SSH2: variants seen among roughly 807,000 people sequenced by gnomAD.
The protein encoded by SSH2 is slingshot protein phosphatase 2, also known as protein phosphatase Slingshot homolog 2.
Under a neutral mutation model 135.2 loss-of-function variants are expected in SSH2, and 37 were observed. The ratio of observed to expected loss-of-function variants is 0.27; its 90% CI spans 0.21 to 0.36. SSH2 has a LOEUF of 0.36. SSH2 is among the 10% of genes least tolerant of loss of function. SSH2 has a pLI of 1.00. For missense variants in SSH2, 1,408 were observed against 1,765.3 expected (o/e 0.80, Z 3.63); for synonymous variants, 628 against 646.2 (o/e 0.97, Z 0.43).
intron 4 of SSH2, among the ~76,000 whole-genome samples, chr17:29,696,620 T>TACACACAC (rs755811988): frequency 8.2e-4 from 112 of 136,104 alleles, no homozygotes; most frequent in Admixed American, 1.2e-3. Flanking sequence ...TACATATATA[T>TACACACAC]ATACACACAC....
chr17:29,761,903 G>T (rs2041328838), intron 3 of SSH2, among the ~76,000 whole-genome samples: 2 of 136,470 alleles, frequency 1.5e-5, no homozygotes, highest in Non-Finnish European at 3.1e-5. Context: ...TTTTGAGATG[G>T]AGTTTCTGCT....
chr17:29,796,032 C>T (rs999922182), intron 2 of SSH2, among the ~76,000 whole-genome samples: 8 of 152,172 alleles, frequency 5.3e-5, no homozygotes, highest in Admixed American at 1.3e-4. Context: ...CGTGAGCCAC[C>T]GTGCCCGGCC....
At chr17:29,727,563 TGG>T (rs2040043268) in intron 3 of SSH2, among the ~76,000 whole-genome samples, 1 of 152,202 alleles carries the variant, frequency 6.6e-6, no homozygotes, top group Non-Finnish European at 1.5e-5. Flanking sequence ...AGGAAATAAC[TGG>T]TGGAGTAAGT....
chr17:29,914,842 A>G (rs2066854238), intron 1 of SSH2, among the ~76,000 whole-genome samples: 1 of 152,228 alleles, frequency 6.6e-6, no homozygotes, highest in East Asian at 1.9e-4. Context: ...CAAGATGGTC[A>G]TGCCACTTTC....
intron 6 of SSH2, among the ~76,000 whole-genome samples, chr17:29,681,331 CAAA>C (rs764461213): frequency 6.3e-4 from 9 of 14,342 alleles, no homozygotes; most frequent in African/African-American, 2.1e-3. Context: ...GAGACTGTCT[CAAA>C]AAAAAAAAAA....
At chr17:29,786,933 A>G (rs1017032386) in intron 3 of SSH2, among the ~76,000 whole-genome samples, 2 of 152,192 alleles carry the variant, frequency 1.3e-5, no homozygotes, top group African/African-American at 4.8e-5. Context: ...CAATCAATCA[A>G]TCACAAAAAG....
At chr17:29,903,001 C>A (rs2066587634) in intron 1 of SSH2, among the ~76,000 whole-genome samples, 1 of 151,984 alleles carries the variant, frequency 6.6e-6, no homozygotes, top group Non-Finnish European at 1.5e-5. Context: ...GCTTGGCCAA[C>A]ATGGTGAAAC....
At chr17:29,805,089 C>T (rs1452266610) in intron 2 of SSH2, among the ~76,000 whole-genome samples, 2 of 151,226 alleles carry the variant, frequency 1.3e-5, no homozygotes, top group African/African-American at 4.9e-5. Context: ...CTCTGGGTCC[C>T]TTTTAGAACT....
intron 2 of SSH2, among the ~76,000 whole-genome samples, chr17:29,794,576 A>G (rs558788976): frequency 6.6e-5 from 10 of 152,368 alleles, no homozygotes; most frequent in East Asian, 1.9e-4. Context: ...CTGATGGTTA[A>G]TGACCCACCC....
At chr17:29,689,974 A>C (rs137972108) in intron 5 of SSH2, among the ~76,000 whole-genome samples, 2 of 139,676 alleles carry the variant, frequency 1.4e-5, no homozygotes, top group African/African-American at 2.7e-5. Context: ...AGAACACACC[A>C]CTGCATTCCA....
chr17:29,847,071 T>A lies in SSH2; in HGVS notation c.144+1778A>T, dbSNP rs1406745791. 2.6e-5 allele frequency among the ~76,000 whole-genome samples: 4 copies of A among 152,280 alleles called. No individual in the cohort carries two copies. The South Asian group carries it at 8.3e-4, about 32-fold the overall frequency. ...TCTATACCAAGACACAGAAAAAAAATGTCCAAGTGGGAAAAAGGTTTGCTA... is the reference window on the plus strand; with the variant it reads ...TCTATACCAAGACACAGAAAAAAAAAGTCCAAGTGGGAAAAAGGTTTGCTA... On this transcript the variant is annotated intron_variant, in intron 2 of 15. Coordinates refer to ENST00000540801, the MANE Select transcript of SSH2 (RefSeq NM_001282129.2).
rs1388770561 is a variant in SSH2 at position 29,677,816 on chromosome 17, A to C, written c.480-75T>G. ...CAGTCTTCTGTTTACTAACTCTTTC[A>C]ACACCAAGGATAAACCCTTAAATTC... is the stretch of plus-strand genomic sequence containing the variant. On this transcript the variant is annotated intron_variant, in intron 6 of 15. Transcript: ENST00000540801. 1.8e-6 allele frequency: 2 copies of C among 1,142,568 alleles called. 1 individual carries two copies. Among genetic ancestry groups the C allele is most frequent in the South Asian group, 2.5e-5 (2 of 80,266 alleles). The allele number at this position is 1,142,568 out of a possible 1,614,324, so 70.8% of individuals were successfully genotyped here.
Position 29,655,584 on chromosome 17 carries a change from G to T in SSH2, c.1056C>A (p.Asn352Lys). 6.2e-7 allele frequency: 1 copy of T among 1,614,114 alleles called. No individual in the cohort carries two copies. The highest frequency in any genetic ancestry group is 1.1e-5 in the South Asian group (1 of 91,082). ...ACCCTCGGTTCTGTAAGTCCTCTAA[G>T]TTGGAGGCATTCCATTCTGAGCCCT... is the stretch of plus-strand genomic sequence containing the variant. ...VFLGSEWNAS[N>K]LEDLQNRGVR... Residue 352 changes from asparagine (N) to lysine (K), a missense_variant, in exon 12 of 16, where the codon AAC becomes AAA. Asn to Lys is a moderately conservative substitution (Grantham distance 94). Coordinates refer to ENST00000540801, the MANE Select transcript of SSH2 (RefSeq NM_001282129.2).
chr17:29,820,219 A>C (rs2042628654), intron 2 of SSH2, among the ~76,000 whole-genome samples: 1 of 152,208 alleles, frequency 6.6e-6, no homozygotes, highest in South Asian at 2.1e-4. Context: ...TAATGTAAAG[A>C]GTCAAAGTAA....
Position 29,724,540 on chromosome 17 carries a change from A to AAAAC in SSH2, c.189-21479_189-21478insGTTT, listed in dbSNP as rs1555620979. 8.0e-5 allele frequency among the ~76,000 whole-genome samples: 12 copies of AAAAC among 149,832 alleles called. 1 individual carries two copies. Among genetic ancestry groups the AAAAC allele is most frequent in the Non-Finnish European group, 1.2e-4 (8 of 67,448 alleles). On this transcript the variant is annotated intron_variant, in intron 3 of 15. Coordinates refer to ENST00000540801, the MANE Select transcript of SSH2 (RefSeq NM_001282129.2). The stretch of plus-strand genomic sequence containing the variant: ...CAAAACTCTGTCTCAAAAAAAAAAA[A>AAAAC]AAAAAACAAAACCCTATTCTAAGGA...
intron 3 of SSH2, among the ~76,000 whole-genome samples, chr17:29,786,921 CTCAA>C (rs1393069143): frequency 2.3e-4 from 35 of 152,282 alleles, no homozygotes; most frequent in African/African-American, 8.2e-4. Flanking sequence ...AAGACCCTGT[CTCAA>C]TCAATCAATC....
intron 12 of SSH2, among the ~76,000 whole-genome samples, chr17:29,653,308 C>T (rs756365773): frequency 1.6e-4 from 25 of 152,142 alleles, no homozygotes; most frequent in Admixed American, 6.6e-5. Flanking sequence ...TAATTCTTCA[C>T]ATATTAAAAT....
intron 2 of SSH2, among the ~76,000 whole-genome samples, chr17:29,834,423 T>C (rs919469471): frequency 2.0e-5 from 3 of 152,148 alleles, no homozygotes; most frequent in Non-Finnish European, 4.4e-5. Flanking sequence ...ATTTATCCCA[T>C]AAATATATAT....
chr17:29,755,016 C>T (rs1160642593), intron 3 of SSH2, among the ~76,000 whole-genome samples: 1 of 152,130 alleles, frequency 6.6e-6, no homozygotes, highest in Non-Finnish European at 1.5e-5. Flanking sequence ...TTTATTCTTC[C>T]CTGAGCTTCT....
Sources: allele counts gnomAD v4.1 joint callset (sites outside exome capture counted in the v4.1 genomes callset), GRCh38; gene constraint gnomAD v4.1.1; transcripts MANE v1.5; gene names NCBI Gene and HGNC (gene_info 2026-07-23, HGNC 2026-07-21).